Variants in ADGRB3 observed in about 807,000 individuals in gnomAD.
ADGRB3 encodes the protein adhesion G protein-coupled receptor B3, also known as brain-specific angiogenesis inhibitor 3.
A neutral mutation model predicts 193.4 loss-of-function variants in ADGRB3; 37 were observed. The observed-to-expected ratio is 0.19, with a 90% CI of 0.15 to 0.25. ADGRB3 has a LOEUF of 0.25. ADGRB3 is among the 10% of genes least tolerant of loss of function. The probability of loss-of-function intolerance (pLI) is 1.00; values close to 1 mark genes in which losing one functional copy is unlikely to be tolerated. For missense variants in ADGRB3, 1,637 were observed against 1,852.9 expected (o/e 0.88, Z 2.14); for synonymous variants, 690 against 644.2 (o/e 1.07, Z -1.08).
intron 3 of ADGRB3, among the ~76,000 whole-genome samples, chr6:68,829,717 C>T (rs932218622): frequency 1.3e-5 from 2 of 152,076 alleles, no homozygotes; most frequent in Admixed American, 1.3e-4. Flanking sequence ...TTCTTTGGAT[C>T]TGCTTTTGAA....
intron 3 of ADGRB3, among the ~76,000 whole-genome samples, chr6:68,699,582 A>G (rs1416097185): frequency 6.6e-6 from 1 of 151,864 alleles, no homozygotes; most frequent in Non-Finnish European, 1.5e-5. Flanking sequence ...TTAACATCTG[A>G]TAGGTTCCTT....
rs369475329 is a variant in ADGRB3, at chr6:69,354,255, G to T, written c.3482G>T (p.Arg1161Leu). 3 of 1,613,886 alleles carry T rather than the reference G, an allele frequency of 1.9e-6. No individual in the cohort carries two copies. ...CAGGTTCAGGATGCATTTAGATGCC[G>T]ATTGAGAAACTGTCAGGATCCCATC... The part of the protein sequence containing the change: ...RREVQDAFRC[R>L]LRNCQDPINA... Residue 1161 changes from arginine to leucine, a missense_variant, in exon 27 of 32, where the codon CGA becomes CTA. Arg to Leu is a moderately radical substitution (Grantham distance 102). This residue lies in a region of ADGRB3 where 116 missense variants were observed against 168.1 expected (regional missense o/e 0.69). Coordinates refer to ENST00000370598, the MANE Select transcript of ADGRB3 (RefSeq NM_001704.3).
intron 13 of ADGRB3, among the ~76,000 whole-genome samples, chr6:69,021,684 A>C (rs968311654): frequency 6.6e-6 from 1 of 151,932 alleles, no homozygotes; most frequent in African/African-American, 2.4e-5. Flanking sequence ...GCCTTAATTC[A>C]TCAAGATAAG....
intron 17 of ADGRB3, among the ~76,000 whole-genome samples, chr6:69,118,130 T>C (rs999687860): frequency 7.2e-5 from 11 of 152,290 alleles, no homozygotes; most frequent in Admixed American, 3.3e-4. Context: ...ATTGAGAAAG[T>C]AGCCGGTTCC....
chr6:69,188,141 T>TGA (rs991749320), intron 17 of ADGRB3, among the ~76,000 whole-genome samples: 60 of 152,322 alleles, frequency 3.9e-4, no homozygotes, highest in African/African-American at 1.4e-3. Flanking sequence ...GAGAATGGAA[T>TGA]GAGGCCCAGA....
intron 7 of ADGRB3, 84 bp downstream of exon 7, chr6:68,956,272 T>C (rs1768068085): frequency 7.3e-7 from 1 of 1,364,870 alleles, no homozygotes; most frequent in Non-Finnish European, 9.8e-7. Flanking sequence ...TGCCAGAGGG[T>C]CATGAAAGAA....
At chr6:69,321,336 G>T (rs557712321) in intron 20 of ADGRB3, among the ~76,000 whole-genome samples, 100 of 151,902 alleles carry the variant, frequency 6.6e-4, no homozygotes, top group African/African-American at 2.3e-3. Flanking sequence ...CCAGTTAGGG[G>T]TTTGGCAAGG....
intron 31 of ADGRB3, among the ~76,000 whole-genome samples, chr6:69,387,767 A>C (rs1770105777): frequency 6.6e-6 from 1 of 152,066 alleles, no homozygotes. Flanking sequence ...GATGTTTAAT[A>C]TATTGAGTGG....
At chr6:68,699,465 A>T (rs182163816) in intron 3 of ADGRB3, among the ~76,000 whole-genome samples, 32 of 152,082 alleles carry the variant, frequency 2.1e-4, no homozygotes, top group Middle Eastern at 6.8e-3. Context: ...TGGGTGACAA[A>T]TTTTTTAATA....
intron 3 of ADGRB3, among the ~76,000 whole-genome samples, chr6:68,744,016 G>A (rs1011750179): frequency 1.2e-4 from 18 of 151,850 alleles, no homozygotes; most frequent in South Asian, 2.1e-4. Flanking sequence ...TATTTGTAGA[G>A]TATCATACAC....
chr6:68,816,962 G>A (rs1430612784), intron 3 of ADGRB3, among the ~76,000 whole-genome samples: 1 of 151,868 alleles, frequency 6.6e-6, no homozygotes, highest in African/African-American at 2.4e-5. Flanking sequence ...AAAATGTCCT[G>A]TCATAAACAG....
At chr6:68,790,002 A>G (rs1271765395) in intron 3 of ADGRB3, among the ~76,000 whole-genome samples, 2 of 152,058 alleles carry the variant, frequency 1.3e-5, no homozygotes, top group Admixed American at 6.6e-5. Context: ...TTTCAGCTCC[A>G]TCAGGTCCTT....
At chr6:68,667,903 G>T (rs979891546) in intron 3 of ADGRB3, among the ~76,000 whole-genome samples, 1 of 151,700 alleles carries the variant, frequency 6.6e-6, no homozygotes, top group Non-Finnish European at 1.5e-5. Context: ...AACAATCCCA[G>T]CTACACTGAA....
intron 17 of ADGRB3, among the ~76,000 whole-genome samples, chr6:69,117,914 G>A (rs1041604281): frequency 6.6e-5 from 10 of 152,138 alleles, no homozygotes; most frequent in African/African-American, 9.7e-5. Flanking sequence ...ATATTAAAAC[G>A]TGAAGATAGT....
At chr6:69,045,495 G>A (rs1771208513) in intron 13 of ADGRB3, among the ~76,000 whole-genome samples, 1 of 152,056 alleles carries the variant, frequency 6.6e-6, no homozygotes, top group Admixed American at 6.6e-5. Context: ...ATTTTGCTAA[G>A]AGAGTAGATT....
At chr6:68,867,270 G>T (rs1019035750) in intron 3 of ADGRB3, among the ~76,000 whole-genome samples, 25 of 152,214 alleles carry the variant, frequency 1.6e-4, no homozygotes, top group African/African-American at 5.8e-4. Context: ...TTCAGCCATG[G>T]CTAAAAGGGG....
At chr6:68,750,884 A>G (rs1364300277) in intron 3 of ADGRB3, among the ~76,000 whole-genome samples, 2 of 152,210 alleles carry the variant, frequency 1.3e-5, no homozygotes, top group African/African-American at 4.8e-5. Context: ...CAACTTCAGG[A>G]AGCTAGTCCT....
At chr6:69,283,992 A>C (rs1415611160) in intron 20 of ADGRB3, among the ~76,000 whole-genome samples, 1 of 152,186 alleles carries the variant, frequency 6.6e-6, no homozygotes, top group Non-Finnish European at 1.5e-5. Flanking sequence ...ACCGTGACTC[A>C]TGGGCTGCTA....
At chr6:68,915,185 T>G (rs1452761169) in intron 3 of ADGRB3, among the ~76,000 whole-genome samples, 1 of 152,174 alleles carries the variant, frequency 6.6e-6, no homozygotes, top group African/African-American at 2.4e-5. Flanking sequence ...TTTTTTTGAG[T>G]CCCAGATCCA....
Sources: allele counts gnomAD v4.1 joint callset (sites outside exome capture counted in the v4.1 genomes callset), GRCh38; gene constraint gnomAD v4.1.1; regional missense constraint gnomAD v4.1.1; transcripts MANE v1.5; gene names NCBI Gene and HGNC (gene_info 2026-07-23, HGNC 2026-07-21).